VPS13B: variants seen among roughly 807,000 people sequenced by gnomAD.
VPS13B encodes intermembrane lipid transfer protein VPS13B.
In VPS13B, 285 loss-of-function variants were observed where a neutral mutation model predicts 426.4. The observed-to-expected ratio is 0.67, with a 90% confidence interval of 0.61 to 0.74. The LOEUF (loss-of-function observed/expected upper bound fraction) is 0.74, where lower values mean the gene tolerates loss of function less well. Ranked by LOEUF, VPS13B falls within the 30% of genes least tolerant of loss-of-function variation. The pLI, the probability that VPS13B is intolerant of heterozygous loss-of-function variation, is 0.00. For missense variants in VPS13B, 4,537 were observed against 4,782.6 expected (o/e 0.95, Z 1.51); for synonymous variants, 1,676 against 1,676.4 (o/e 1.00, Z 0.01).
intron 31 of VPS13B, among the ~76,000 whole-genome samples, chr8:99,568,786 G>C (rs1229031035): frequency 6.6e-6 from 1 of 151,238 alleles, no homozygotes; most frequent in Admixed American, 6.6e-5. Flanking sequence ...ATGGTCTCAG[G>C]TGATAACCAC....
chr8:99,407,271 C>T (rs1815383467), intron 21 of VPS13B, among the ~76,000 whole-genome samples: 1 of 152,000 alleles, frequency 6.6e-6, no homozygotes, highest in African/African-American at 2.4e-5. Flanking sequence ...TTTTCTTACC[C>T]TTTAAAAAAG....
At position 99,378,025 on chromosome 8, in the gene VPS13B, G is replaced by T. The variant is rs939458136; in HGVS notation, c.2825-6183G>T. ...CAGTCTGACTAGAATTCGCCAGGCT[G>T]GAATTTCCTAATCCTAGCAAGCCTG... On this transcript the variant is annotated intron_variant, in intron 19 of 61. Coordinates refer to ENST00000357162, the MANE Select transcript of VPS13B (RefSeq NM_152564.5). Among the ~76,000 whole-genome samples, 4 of 151,428 alleles carry T rather than the reference G, an allele frequency of 2.6e-5. No homozygotes were observed. The Admixed American group carries it at 2.7e-4, about 10-fold the overall frequency.
intron 39 of VPS13B, among the ~76,000 whole-genome samples, chr8:99,740,465 A>T (rs1258505342): frequency 2.0e-5 from 3 of 152,178 alleles, no homozygotes; most frequent in African/African-American, 4.8e-5. Context: ...TTCAGGAAAT[A>T]CAGAGAACGC....
intron 19 of VPS13B, among the ~76,000 whole-genome samples, chr8:99,362,138 T>C (rs1052716047): frequency 2.1e-5 from 3 of 145,910 alleles, no homozygotes; most frequent in African/African-American, 7.6e-5. Flanking sequence ...TTTTAATTTG[T>C]CTTTTTTTTT....
intron 2 of VPS13B, among the ~76,000 whole-genome samples, chr8:99,034,862 T>C (rs114115426): frequency 0.018 from 2,677 of 151,550 alleles, 75 homozygotes; most frequent in African/African-American, 0.061. Flanking sequence ...TGCGCGCGCG[T>C]GTGTGTGTGT....
intron 3 of VPS13B, among the ~76,000 whole-genome samples, chr8:99,065,593 A>G (rs1290115981): frequency 2.6e-5 from 4 of 152,236 alleles, no homozygotes; most frequent in Non-Finnish European, 4.4e-5. Context: ...GAAAACCGGC[A>G]CAACACAGGG....
chr8:99,608,124 C>A, intron 33 of VPS13B, among the ~76,000 whole-genome samples: 1 of 151,288 alleles, frequency 6.6e-6, no homozygotes, highest in Non-Finnish European at 1.5e-5. Context: ...TAAAACTCAA[C>A]CAGTGGTAGT....
chr8:99,311,776 A>G (rs1039018922), intron 19 of VPS13B, among the ~76,000 whole-genome samples: 1 of 152,166 alleles, frequency 6.6e-6, no homozygotes, highest in Non-Finnish European at 1.5e-5. Flanking sequence ...GGGGTGTTAT[A>G]GTCTCCCATT....
At chr8:99,697,288 C>T (rs899829547) in intron 35 of VPS13B, 17 of 576,436 alleles carry the variant, frequency 2.9e-5, no homozygotes, top group East Asian at 6.1e-5. Flanking sequence ...CAGAAGCGCT[C>T]GGAGTTGGAG....
At chr8:99,763,848 T>G (rs1365474523) in intron 39 of VPS13B, among the ~76,000 whole-genome samples, 1 of 152,216 alleles carries the variant, frequency 6.6e-6, no homozygotes, top group Non-Finnish European at 1.5e-5. Context: ...TACTATTTCA[T>G]CACATTTACC....
At chr8:99,204,660 C>T (rs1268094521) in intron 17 of VPS13B, among the ~76,000 whole-genome samples, 1 of 150,738 alleles carries the variant, frequency 6.6e-6, no homozygotes, top group East Asian at 1.9e-4. Context: ...AACACATTTA[C>T]AAGAAAAAAA....
At chr8:99,858,330 G>A (rs921522937) in intron 56 of VPS13B, among the ~76,000 whole-genome samples, 2 of 152,206 alleles carry the variant, frequency 1.3e-5, no homozygotes, top group African/African-American at 2.4e-5. Context: ...GCACAGCCGC[G>A]TTCCCATGGG....
intron 56 of VPS13B, among the ~76,000 whole-genome samples, chr8:99,858,662 G>A (rs1388909531): frequency 4.6e-5 from 7 of 151,966 alleles, no homozygotes; most frequent in African/African-American, 1.7e-4. Flanking sequence ...TCCAGCCTGG[G>A]TGACAGAGTG....
intron 21 of VPS13B, among the ~76,000 whole-genome samples, chr8:99,416,339 C>G (rs1448771847): frequency 6.6e-6 from 1 of 152,180 alleles, no homozygotes; most frequent in East Asian, 1.9e-4. Flanking sequence ...GCCAGTGGAT[C>G]TTAGCTTGCT....
intron 35 of VPS13B, among the ~76,000 whole-genome samples, chr8:99,686,491 G>A (rs1230174726): frequency 6.6e-6 from 1 of 151,908 alleles, no homozygotes; most frequent in Non-Finnish European, 1.5e-5. Flanking sequence ...CAGGAGCCAG[G>A]GCCTGGAGTC....
intron 3 of VPS13B, among the ~76,000 whole-genome samples, chr8:99,093,031 C>T (rs1294951535): frequency 1.3e-5 from 2 of 151,194 alleles, no homozygotes; most frequent in Admixed American, 1.3e-4. Context: ...ATCAATGGCA[C>T]CACAAATTAA....
intron 30 of VPS13B, among the ~76,000 whole-genome samples, chr8:99,537,212 G>C (rs1466598169): frequency 6.6e-6 from 1 of 151,742 alleles, no homozygotes; most frequent in African/African-American, 2.4e-5. Flanking sequence ...GCCTTTTTTG[G>C]AATAGTGCAC....
chr8:99,835,587 C>A lies in VPS13B; in HGVS notation c.9791C>A (p.Ser3264Ter). The A allele has an allele frequency of 1.2e-6, 2 of 1,614,100 alleles. No individual in the cohort carries two copies. Among genetic ancestry groups the A allele is most frequent in the South Asian group, 2.2e-5 (2 of 91,070 alleles). Reference protein sequence around the residue: ...VYCKKIPSECSIHHELYHQIS... With the variant: ...VYCKKIPSEC The stretch of plus-strand genomic sequence containing the variant: ...TGCAAAAAAATTCCCTCCGAGTGCT[C>A]AATTCATCATGAGCTGTATCATCAG... The change falls in exon 54 of 62, where the codon TCA becomes TAA. Residue 3264 changes from serine to a stop codon, truncating the protein, a stop_gained. Coordinates refer to ENST00000357162, the MANE Select transcript of VPS13B (RefSeq NM_152564.5). LOFTEE classifies it high-confidence loss of function.
Position 99,720,544 on chromosome 8 carries a change from A to G in VPS13B, c.6857A>G (p.Gln2286Arg), listed in dbSNP as rs200713917. ...DLRTGLFQYV[Q>R]DAESLKLPGV... is the part of the protein sequence containing the mutation. The stretch of plus-strand genomic sequence containing the variant: ...CGGACAGGTCTATTTCAGTATGTAC[A>G]GGATGCTGGTAAGTAGCAACAGACT... The change falls in exon 38 of 62, where the codon CAG (glutamine) becomes CGG (arginine). Residue 2286 changes from glutamine to arginine, a missense_variant. By Grantham distance (43) the Gln-to-Arg change is conservative (BLOSUM62 1). This residue lies in a region of VPS13B where 4,311 missense variants were observed against 4,474.3 expected (regional missense o/e 0.96). Transcript: ENST00000357162. 6.2e-6 allele frequency: 10 copies of G among 1,613,990 alleles called. No homozygotes were observed. The highest frequency in any genetic ancestry group is 8.5e-6 in the Non-Finnish European group (10 of 1,179,880).
Sources: allele counts gnomAD v4.1 joint callset (sites outside exome capture counted in the v4.1 genomes callset), GRCh38; gene constraint gnomAD v4.1.1; regional missense constraint gnomAD v4.1.1; transcripts MANE v1.5; gene names NCBI Gene and HGNC (gene_info 2026-07-23, HGNC 2026-07-21).